Variants in TMA16 observed in about 807,000 individuals in gnomAD.
TMA16 encodes translation machinery-associated protein 16.
A neutral mutation model predicts 27.1 loss-of-function variants in TMA16; 26 were observed. The ratio of observed to expected loss-of-function variants is 0.96; its 90% CI spans 0.70 to 1.33. TMA16 has a LOEUF of 1.33. Among genes scored for constraint, TMA16 ranks in the 40% most tolerant of loss-of-function variants. The pLI is 0.00. For missense variants in TMA16, 233 were observed against 241.4 expected, an observed-to-expected ratio of 0.97 and a Z score of 0.23; for synonymous variants, 71 against 81.9, an observed-to-expected ratio of 0.87 and a Z score of 0.72.
At chr4:163,507,391 C>A (rs2028489) in intron 2 of TMA16, among the ~76,000 whole-genome samples, 1 of 151,762 alleles carries the variant, frequency 6.6e-6, no homozygotes, top group African/African-American at 2.4e-5. Flanking sequence ...ATGGGATGGA[C>A]AGTGAGGGAG....
chr4:163,515,049 A>G (rs1357506852), intron 4 of TMA16, among the ~76,000 whole-genome samples: 1 of 152,028 alleles, frequency 6.6e-6, no homozygotes, highest in Non-Finnish European at 1.5e-5. Flanking sequence ...CTAACGGTGA[A>G]GCCACTAGGG....
At chr4:163,518,657 A>C (rs933244670) in intron 6 of TMA16, among the ~76,000 whole-genome samples, 4 of 152,148 alleles carry the variant, frequency 2.6e-5, no homozygotes, top group African/African-American at 9.7e-5. Flanking sequence ...TATACTTTTG[A>C]ATTCATTGAA....
chr4:163,515,959 A>G (rs923842090), intron 5 of TMA16: 9 of 154,618 alleles, frequency 5.8e-5, no homozygotes, highest in African/African-American at 2.2e-4. Flanking sequence ...TCCACATCCA[A>G]CCCGTCAGCA....
intron 6 of TMA16, 159 bp downstream of exon 6, chr4:163,517,635 GCGTA>G (rs1254354419): frequency 1.7e-6 from 1 of 582,496 alleles, no homozygotes; most frequent in South Asian, 2.5e-5. Context: ...CTGAAGTTGG[GCGTA>G]CAAACAGTTG....
chr4:163,500,000 A>T (rs1737624887), intron 1 of TMA16, among the ~76,000 whole-genome samples: 2 of 152,048 alleles, frequency 1.3e-5, no homozygotes, highest in Non-Finnish European at 2.9e-5. Flanking sequence ...CACTTTAAGG[A>T]ATTTTCTTTT....
Position 163,494,737 on chromosome 4 carries a change from C to A in TMA16, c.-65C>A, listed in dbSNP as rs1256810016. On this transcript the variant is annotated 5_prime_UTR_variant, in exon 1 of 7. The change creates a new upstream start codon in the 5' untranslated region. Coordinates refer to ENST00000358572, the MANE Select transcript of TMA16 (RefSeq NM_018352.3). ...CGGGTGCTCTTGTGAGCTGCTGCTC[C>A]TGCGGTTGGTGAGATTACCTGGGTC... The A allele has an allele frequency of 6.2e-7, 1 of 1,611,986 alleles. No individual in the cohort carries two copies. Among genetic ancestry groups the A allele is most frequent in the African/African-American group, 1.3e-5 (1 of 74,912 alleles).
chr4:163,506,379 C>T (rs1451078936), intron 1 of TMA16, among the ~76,000 whole-genome samples: 1 of 152,048 alleles, frequency 6.6e-6, no homozygotes, highest in Non-Finnish European at 1.5e-5. Context: ...ATTCCTAGAT[C>T]ATTATAGGTG....
At chr4:163,495,876 G>T (rs768976870) in intron 1 of TMA16, among the ~76,000 whole-genome samples, 7 of 152,110 alleles carry the variant, frequency 4.6e-5, no homozygotes, top group Non-Finnish European at 8.8e-5. Context: ...TTCAGTGTTT[G>T]CTTGTCACTT....
intron 1 of TMA16, among the ~76,000 whole-genome samples, chr4:163,500,625 T>G (rs3098783): frequency 6.6e-6 from 1 of 152,220 alleles, no homozygotes; most frequent in Non-Finnish European, 1.5e-5. Flanking sequence ...TGTATAACTT[T>G]GTCAGTGAAA....
At chr4:163,496,605 AT>A (rs36079282) in intron 1 of TMA16, among the ~76,000 whole-genome samples, 2 of 150,738 alleles carry the variant, frequency 1.3e-5, no homozygotes, top group African/African-American at 2.4e-5. Context: ...ATTATTTTTT[AT>A]TTTTTTTTGA....
Position 163,507,066 on chromosome 4 carries a change from G to GAA in TMA16, c.44_45dup (p.Val16LysfsTer26). 6.3e-7 allele frequency: 1 copy of GAA among 1,593,356 alleles called. No individual in the cohort carries two copies. Among genetic ancestry groups the GAA allele is most frequent in the Non-Finnish European group, 8.6e-7 (1 of 1,169,252 alleles). ...ACCAAAGGGAAAAAGTGCAGGACGG[G>GAA]AAAAAAAAGTCATCCATCCATATAG... On this transcript the variant is annotated frameshift_variant, in exon 2 of 7. Coordinates refer to ENST00000358572, the MANE Select transcript of TMA16 (RefSeq NM_018352.3). LOFTEE classifies it high-confidence loss of function.
intron 1 of TMA16, among the ~76,000 whole-genome samples, chr4:163,502,787 C>A (rs1312464249): frequency 6.6e-6 from 1 of 152,068 alleles, no homozygotes; most frequent in Non-Finnish European, 1.5e-5. Context: ...CATTTCACTA[C>A]TATCTTTGCA....
rs567331206 is a variant in TMA16, at chr4:163,497,318, A to C, written c.3+2514A>C. 8.3e-4 allele frequency among the ~76,000 whole-genome samples: 126 copies of C among 152,356 alleles called. 1 individual carries two copies. The highest frequency in any genetic ancestry group is 3.0e-3 in the African/African-American group (124 of 41,592). On this transcript the variant is annotated intron_variant, in intron 1 of 6. Coordinates refer to ENST00000358572, the MANE Select transcript of TMA16 (RefSeq NM_018352.3). ...TTAATGGAAATCTACCTAGTATACC[A>C]ATCTTTTTGAGACAATATTACTTGT...
At chr4:163,504,070 C>T (rs984367870) in intron 1 of TMA16, among the ~76,000 whole-genome samples, 4 of 152,100 alleles carry the variant, frequency 2.6e-5, no homozygotes, top group African/African-American at 9.7e-5. Context: ...CTTCTTTTCC[C>T]TAAAGAAAGT....
chr4:163,505,948 A>C (rs1055399927), intron 1 of TMA16, among the ~76,000 whole-genome samples: 26 of 152,192 alleles, frequency 1.7e-4, no homozygotes, highest in Admixed American at 1.5e-3. Context: ...GGTATGTTGG[A>C]GACTGCCAGC....
intron 4 of TMA16, among the ~76,000 whole-genome samples, chr4:163,514,470 TA>T (rs1216172520): frequency 6.6e-6 from 1 of 152,070 alleles, no homozygotes; most frequent in Non-Finnish European, 1.5e-5. Flanking sequence ...GAAGAATATT[TA>T]AAAATGCCCA....
In TMA16 at chr4:163,494,942, G is replaced by A; in HGVS notation, c.3+138G>A. 3.1e-6 allele frequency: 4 copies of A among 1,293,172 alleles called. No individual in the cohort carries two copies. In the South Asian group the frequency reaches 3.9e-5, roughly 13 times the overall value. The allele number at this position is 1,293,172 out of a possible 1,614,324, so 80.1% of individuals were successfully genotyped here. ...AAGTGTTTATTTTCAGGGAGTGTGC[G>A]GGGTGCGGGGCGAAGCCTCTGGGAG... On this transcript the variant is annotated intron_variant, in intron 1 of 6. Transcript: ENST00000358572.
At chr4:163,509,923 T>C (rs1737768462) in intron 2 of TMA16, among the ~76,000 whole-genome samples, 1 of 152,238 alleles carries the variant, frequency 6.6e-6, no homozygotes, top group Non-Finnish European at 1.5e-5. Context: ...TGGGTAAGAA[T>C]CTCAGAAACA....
In TMA16 at chr4:163,514,060, CTTG is replaced by C. The variant is rs745410842; in HGVS notation, c.155-8_155-6del. 1.1e-5 allele frequency: 17 copies of C among 1,587,560 alleles called. No individual in the cohort carries two copies. The highest frequency in any genetic ancestry group is 4.6e-5 in the South Asian group (4 of 87,830). On this transcript the variant is annotated splice_polypyrimidine_tract_variant and intron_variant, in intron 3 of 6. Transcript: ENST00000358572. ...ACTTGTGGGGTAAACTGTCTTGGTACTTGTTGTTTATAGGTGAAAAACTGCAAT... is the reference window on the plus strand; with the variant it reads ...ACTTGTGGGGTAAACTGTCTTGGTACTTGTTTATAGGTGAAAAACTGCAAT...
Sources: allele counts gnomAD v4.1 joint callset (sites outside exome capture counted in the v4.1 genomes callset), GRCh38; gene constraint gnomAD v4.1.1; transcripts MANE v1.5; gene names NCBI Gene and HGNC (gene_info 2026-07-23, HGNC 2026-07-21).